Variants in PLG observed in about 807,000 individuals in gnomAD.
PLG encodes the protein plasminogen.
In PLG, 41 loss-of-function variants were observed where a neutral mutation model predicts 104.4. The observed-to-expected ratio is 0.39, with a 90% CI of 0.31 to 0.51. PLG has a LOEUF of 0.51. PLG is among the 20% of genes least tolerant of loss of function. The pLI, the probability that PLG is intolerant of heterozygous loss-of-function variation, is 0.76. For missense variants in PLG, 891 were observed against 1,003.6 expected, an observed-to-expected ratio of 0.89 and a Z score of 1.52; for synonymous variants, 337 against 357.1, an observed-to-expected ratio of 0.94 and a Z score of 0.63.
At chr6:160,728,140 T>C (rs1422056433) in intron 10 of PLG, among the ~76,000 whole-genome samples, 2 of 152,022 alleles carry the variant, frequency 1.3e-5, no homozygotes, top group Admixed American at 6.5e-5. Context: ...AAAGTAGTTG[T>C]ATTTTTATAC....
In PLG at chr6:160,731,915, T is replaced by C. The variant is rs1276559108; in HGVS notation, c.1587+22T>C. 4 of 1,613,078 alleles carry C rather than the reference T, an allele frequency of 2.5e-6. No individual in the cohort carries two copies. Among genetic ancestry groups the C allele is most frequent in the Non-Finnish European group, 3.4e-6 (4 of 1,179,112 alleles). On this transcript the variant is annotated intron_variant, in intron 12 of 18. Transcript: ENST00000308192. The surrounding 1 kb of genome is among the most constrained non-coding windows in gnomAD (Gnocchi z 5.1). ...AAATGTAAGCCACTTTGATTTGGAC[T>C]CTTTGGCCTTTTGCTCACCAATCTT...
chr6:160,703,111 G>T (rs187158158), intron 1 of PLG, among the ~76,000 whole-genome samples: 3,140 of 152,176 alleles, frequency 0.021, 58 homozygotes, highest in Non-Finnish European at 0.03. Context: ...GGAATATCAT[G>T]TTATTTGCTC....
At chr6:160,748,360 GAA>G (rs1180157000) in intron 17 of PLG, among the ~76,000 whole-genome samples, 2 of 32,852 alleles carry the variant, frequency 6.1e-5, no homozygotes, top group African/African-American at 2.1e-4. Flanking sequence ...GAGAAAGAAA[GAA>G]AGAAAGAAAG....
rs190835432 is a variant in PLG, at chr6:160,723,356, G to T, written c.1256+789G>T. Reference sequence around the variant, plus strand: ...CAAGGACAGCTTTTCTTCCATAAATGAGTACACAATATATGGAAAAAACTA... The same window carrying T: ...CAAGGACAGCTTTTCTTCCATAAATTAGTACACAATATATGGAAAAAACTA... On this transcript the variant is annotated intron_variant, in intron 10 of 18. Transcript: ENST00000308192. The surrounding 1 kb of genome is among the most constrained non-coding windows in gnomAD (Gnocchi z 4.7). 2.5e-4 allele frequency among the ~76,000 whole-genome samples: 38 copies of T among 152,188 alleles called. No individual in the cohort carries two copies. The highest frequency in any genetic ancestry group is 4.4e-4 in the Non-Finnish European group (30 of 68,010).
chr6:160,713,833 T>A (rs1170314891), intron 5 of PLG, among the ~76,000 whole-genome samples: 1 of 152,212 alleles, frequency 6.6e-6, no homozygotes, highest in Non-Finnish European at 1.5e-5. Context: ...TTGAATGGAC[T>A]GAGCAATTTA....
At chr6:160,713,225 T>C (rs1254570678) in intron 5 of PLG, 100 bp downstream of exon 5, 1 of 961,140 alleles carries the variant, frequency 1.0e-6, no homozygotes, top group Non-Finnish European at 1.7e-6. Context: ...AATAATTGAG[T>C]AACGTATTCA....
chr6:160,746,463 T>A (rs1363645031), intron 17 of PLG, among the ~76,000 whole-genome samples: 1 of 152,260 alleles, frequency 6.6e-6, no homozygotes, highest in Non-Finnish European at 1.5e-5. Context: ...AGTTTGTTTC[T>A]CAGCTCTCAG....
At chr6:160,746,136 G>C (rs1459854675) in intron 17 of PLG, among the ~76,000 whole-genome samples, 5 of 152,130 alleles carry the variant, frequency 3.3e-5, no homozygotes, top group South Asian at 4.1e-4. Flanking sequence ...GAATCTCACA[G>C]GGGTTCTCTG....
rs1208060349 is a variant in PLG at position 160,738,490 on chromosome 6, G to A, written c.1803-48G>A. On this transcript the variant is annotated intron_variant, in intron 14 of 18. Transcript: ENST00000308192. The surrounding 1 kb of genome is among the most constrained non-coding windows in gnomAD (Gnocchi z 6.8). ...TTCTGGCTTTCTGTACAATGGAGCA[G>A]AACAAAGTATCAATTTAACTAAAAT... The A allele has an allele frequency of 5.3e-6, 6 of 1,133,290 alleles. No homozygotes were observed. The highest frequency in any genetic ancestry group is 8.1e-6 in the Non-Finnish European group (6 of 740,868). The allele number at this position is 1,133,290 out of a possible 1,614,324, so 70.2% of individuals were successfully genotyped here.
chr6:160,743,668 T>C (rs139192983), intron 17 of PLG, among the ~76,000 whole-genome samples: 33 of 152,330 alleles, frequency 2.2e-4, no homozygotes, highest in African/African-American at 7.7e-4. Flanking sequence ...TCTTGCCTGA[T>C]TGCTCTGACC....
At chr6:160,704,811 C>A (rs1054055001) in intron 1 of PLG, among the ~76,000 whole-genome samples, 2 of 152,238 alleles carry the variant, frequency 1.3e-5, no homozygotes, top group Admixed American at 1.3e-4. Context: ...GATGAGCATG[C>A]ATCCACCTCC....
chr6:160,716,169 C>G (rs1777726327), intron 6 of PLG, among the ~76,000 whole-genome samples: 1 of 152,208 alleles, frequency 6.6e-6, no homozygotes, highest in South Asian at 2.1e-4. Flanking sequence ...AGGCAGGGAG[C>G]ACTTTACATT....
chr6:160,730,262 G>C (rs1411910866), intron 10 of PLG, among the ~76,000 whole-genome samples: 1 of 152,156 alleles, frequency 6.6e-6, no homozygotes, highest in Admixed American at 6.5e-5. Context: ...TTTATATCTT[G>C]AGTCCCACTG....
Position 160,731,619 on chromosome 6 carries a change from T to A in PLG, c.1439-126T>A. 1.1e-6 allele frequency: 1 copy of A among 892,478 alleles called. No individual in the cohort carries two copies. Among genetic ancestry groups the A allele is most frequent in the Non-Finnish European group, 1.9e-6 (1 of 533,542 alleles). The allele number at this position is 892,478 out of a possible 1,614,324, so 55.3% of individuals were successfully genotyped here. A position where few individuals can be genotyped will look rare whatever the true frequency, so the allele number is the denominator to read the frequency against. ...GCAGCGTTCATTGCAGTCTTCAGCA[T>A]TGCAGTTTCTGAGGAATGTGGCCCC... On this transcript the variant is annotated intron_variant, in intron 11 of 18. Coordinates refer to ENST00000308192, the MANE Select transcript of PLG (RefSeq NM_000301.5). The surrounding 1 kb of genome is among the most constrained non-coding windows in gnomAD (Gnocchi z 5.1).
intron 17 of PLG, among the ~76,000 whole-genome samples, chr6:160,747,752 T>A (rs963030372): frequency 6.6e-6 from 1 of 152,238 alleles, no homozygotes; most frequent in African/African-American, 2.4e-5. Context: ...TTGATCTCCC[T>A]TTCTGCACTG....
At position 160,706,554 on chromosome 6, in the gene PLG, G is replaced by T; in HGVS notation, c.185+12G>T. Reference sequence around the variant, plus strand: ...GAATTCACCTGCAGGTATTTCCATTGTCGTTGCACCTACGCAGGAATCTGT... The same window carrying T: ...GAATTCACCTGCAGGTATTTCCATTTTCGTTGCACCTACGCAGGAATCTGT... On this transcript the variant is annotated intron_variant, in intron 2 of 18. Coordinates refer to ENST00000308192, the MANE Select transcript of PLG (RefSeq NM_000301.5). 1 of 1,612,598 alleles carries T rather than the reference G, an allele frequency of 6.2e-7. No homozygotes were observed. Among genetic ancestry groups the T allele is most frequent in the Non-Finnish European group, 8.5e-7 (1 of 1,178,826 alleles).
rs1360525081 is a variant in PLG at position 160,744,768 on chromosome 6, T to A, written c.2125+3351T>A. Among the ~76,000 whole-genome samples the A allele has an allele frequency of 6.6e-6, 1 of 152,198 alleles. No individual in the cohort carries two copies. Among genetic ancestry groups the A allele is most frequent in the Non-Finnish European group, 1.5e-5 (1 of 68,018 alleles). Reference sequence around the variant, plus strand: ...GTGATGTTAGGTTCTTAATTTGAGATCTTTCTTCTTGATGCTAGCATTTGG... The same window carrying A: ...GTGATGTTAGGTTCTTAATTTGAGAACTTTCTTCTTGATGCTAGCATTTGG... On this transcript the variant is annotated intron_variant, in intron 17 of 18. Coordinates refer to ENST00000308192, the MANE Select transcript of PLG (RefSeq NM_000301.5). The surrounding 1 kb of genome is among the most constrained non-coding windows in gnomAD (Gnocchi z 4.5).
rs1219295500 is a variant in PLG, at chr6:160,739,742, CAG to C, written c.2018+537_2018+538del. Reference sequence around the variant, plus strand: ...TGTCACTGCATTCCAGCCTGGGCGACAGAGTAAGACACTGTACCAAAAAAAAA... The same window carrying C: ...TGTCACTGCATTCCAGCCTGGGCGACAGTAAGACACTGTACCAAAAAAAAA... On this transcript the variant is annotated intron_variant, in intron 16 of 18. Transcript: ENST00000308192. The surrounding 1 kb of genome is among the most constrained non-coding windows in gnomAD (Gnocchi z 4.4). 1.5e-5 allele frequency among the ~76,000 whole-genome samples: 2 copies of C among 134,126 alleles called. No homozygotes were observed. The highest frequency in any genetic ancestry group is 3.1e-5 in the Non-Finnish European group (2 of 64,852). 88.0% of individuals were successfully genotyped at this position (134,126 alleles called of 152,430 possible). A position where few individuals can be genotyped will look rare whatever the true frequency, so the allele number is the denominator to read the frequency against.
Position 160,735,579 on chromosome 6 carries a change from T to C in PLG, c.1682-1308T>C, listed in dbSNP as rs1457923038. Among the ~76,000 whole-genome samples, 1 of 152,184 alleles carries C rather than the reference T, an allele frequency of 6.6e-6. No homozygotes were observed. Among genetic ancestry groups the C allele is most frequent in the Non-Finnish European group, 1.5e-5 (1 of 68,036 alleles). On this transcript the variant is annotated intron_variant, in intron 13 of 18. Coordinates refer to ENST00000308192, the MANE Select transcript of PLG (RefSeq NM_000301.5). The surrounding 1 kb of genome is among the most constrained non-coding windows in gnomAD (Gnocchi z 5.4). ...GTGAGAAGCGTTCCCATCAGACACT[T>C]GGAAATCCTGAGGACTGTTTCATGC...
Sources: gnomAD v4.1 joint callset for allele counts (sites outside exome capture counted in the v4.1 genomes callset) on GRCh38, gnomAD v4.1.1 for gene constraint, Gnocchi (gnomAD v3.1) non-coding constraint, MANE v1.5 for transcripts, NCBI Gene and HGNC (gene_info 2026-07-23, HGNC 2026-07-21) for gene names.